Variants in GUCY1A2 observed in about 807,000 individuals in gnomAD.
The protein encoded by GUCY1A2 is guanylate cyclase soluble subunit alpha-2.
A neutral mutation model predicts 63.5 loss-of-function variants in GUCY1A2; 27 were observed. The ratio of observed to expected loss-of-function variants is 0.43; its 90% CI spans 0.31 to 0.59. The LOEUF is 0.59. Among genes scored for constraint, GUCY1A2 ranks in the 20% least tolerant of loss-of-function variants. The pLI is 0.11. For missense variants in GUCY1A2, 768 were observed against 913.3 expected (o/e 0.84, Z 2.05); for synonymous variants, 364 against 343.5 (o/e 1.06, Z -0.66).
chr11:106,829,075 G>T (rs964170442), intron 4 of GUCY1A2, among the ~76,000 whole-genome samples: 1 of 152,160 alleles, frequency 6.6e-6, no homozygotes, highest in African/African-American at 2.4e-5. Context: ...CTTAATATTT[G>T]CCAAGAGTCT....
chr11:106,801,215 T>C (rs1858598018), intron 5 of GUCY1A2, among the ~76,000 whole-genome samples: 1 of 152,122 alleles, frequency 6.6e-6, no homozygotes, highest in Non-Finnish European at 1.5e-5. Flanking sequence ...AGAATTCAAA[T>C]TGCAATTTAC....
chr11:106,873,222 A>G (rs948493688), intron 4 of GUCY1A2, among the ~76,000 whole-genome samples: 2 of 152,194 alleles, frequency 1.3e-5, no homozygotes, highest in African/African-American at 2.4e-5. Context: ...TAGTGCTGCA[A>G]TAAACATACA....
At chr11:106,747,718 C>T (rs1476191867) in intron 6 of GUCY1A2, among the ~76,000 whole-genome samples, 2 of 152,140 alleles carry the variant, frequency 1.3e-5, no homozygotes, top group African/African-American at 2.4e-5. Flanking sequence ...AACCTGTGAG[C>T]ACACACTCCT....
At position 106,932,608 on chromosome 11, in the gene GUCY1A2, T is replaced by C. The variant is rs189870767; in HGVS notation, c.1206+6852A>G. Among the ~76,000 whole-genome samples the C allele has an allele frequency of 1.1e-4, 17 of 152,196 alleles. No homozygotes were observed. In the East Asian group the frequency reaches 3.3e-3, roughly 29 times the overall value. On this transcript the variant is annotated intron_variant, in intron 4 of 7. Transcript: ENST00000526355. ...ATACCATCATTATTTTTCACAGAAC[T>C]GGAAAAAACTATTCTAAAGTTCATA...
intron 7 of GUCY1A2, among the ~76,000 whole-genome samples, chr11:106,699,369 T>C (rs753175857): frequency 6.6e-6 from 1 of 152,252 alleles, no homozygotes; most frequent in African/African-American, 2.4e-5. Flanking sequence ...GTATTTTAGA[T>C]AATGTGGAAA....
Position 106,893,509 on chromosome 11 carries a change from C to A in GUCY1A2, c.1206+45951G>T, listed in dbSNP as rs1045807206. ...TACTGAAATATAAAATTATAGGGTA[C>A]AACATAACTATATAATTTTAAAATA... On this transcript the variant is annotated intron_variant, in intron 4 of 7. Transcript: ENST00000526355. Among the ~76,000 whole-genome samples the A allele has an allele frequency of 2.6e-5, 4 of 151,886 alleles. No homozygotes were observed. In the South Asian group the frequency reaches 8.3e-4, roughly 32 times the overall value.
At chr11:106,724,629 A>C (rs751882504) in intron 6 of GUCY1A2, among the ~76,000 whole-genome samples, 4 of 152,250 alleles carry the variant, frequency 2.6e-5, no homozygotes, top group African/African-American at 4.8e-5. Context: ...TCTTGGATTT[A>C]AGCCTATTTG....
At chr11:106,892,657 T>C (rs1015595527) in intron 4 of GUCY1A2, among the ~76,000 whole-genome samples, 7 of 152,130 alleles carry the variant, frequency 4.6e-5, no homozygotes, top group Admixed American at 4.6e-4. Context: ...AATAGTTGTG[T>C]ATCGTTTTTC....
At chr11:106,951,068 A>G (rs1860901609) in intron 3 of GUCY1A2, among the ~76,000 whole-genome samples, 1 of 152,138 alleles carries the variant, frequency 6.6e-6, no homozygotes, top group Non-Finnish European at 1.5e-5. Flanking sequence ...AAAGGACATG[A>G]TCTCACTCAT....
intron 6 of GUCY1A2, among the ~76,000 whole-genome samples, chr11:106,711,283 A>G (rs764196597): frequency 1.3e-5 from 2 of 152,160 alleles, no homozygotes; most frequent in Non-Finnish European, 2.9e-5. Context: ...TTTTTATTAG[A>G]ATGCTCTGGA....
intron 4 of GUCY1A2, among the ~76,000 whole-genome samples, chr11:106,922,754 A>T (rs1442864918): frequency 6.7e-6 from 1 of 148,198 alleles, no homozygotes; most frequent in African/African-American, 2.5e-5. Context: ...TGGTTAATTT[A>T]AATATATATG....
intron 4 of GUCY1A2, among the ~76,000 whole-genome samples, chr11:106,931,419 G>A (rs1269879405): frequency 1.3e-5 from 2 of 152,164 alleles, no homozygotes; most frequent in Non-Finnish European, 2.9e-5. Context: ...AATGGCATAA[G>A]CTCTTTGAAA....
intron 4 of GUCY1A2, among the ~76,000 whole-genome samples, chr11:106,817,297 A>T (rs1858844990): frequency 6.6e-6 from 1 of 152,124 alleles, no homozygotes; most frequent in Non-Finnish European, 1.5e-5. Context: ...CATTATGCAA[A>T]GTTTATCCTT....
At chr11:106,824,085 A>G in intron 4 of GUCY1A2, 1 of 1,495,674 alleles carries the variant, frequency 6.7e-7, no homozygotes, top group Admixed American at 1.8e-5. Context: ...TTATGCTACC[A>G]TTTCTTATTT....
chr11:106,979,473 A>AAAG (rs61536886), intron 2 of GUCY1A2, among the ~76,000 whole-genome samples: 4,090 of 149,838 alleles, frequency 0.027, 99 homozygotes, highest in African/African-American at 0.057. Context: ...AAAAAAAAAA[A>AAAG]AAGAAGAAGA....
rs758623808 is a variant in GUCY1A2, at chr11:107,018,097, G to T, written c.-42C>A. Reference sequence around the variant, plus strand: ...CAGCGGCCGAGGCGGTGGCGGCGAGGACGCGAGCGGCGGCGGAGGCGGCGG... The same window carrying T: ...CAGCGGCCGAGGCGGTGGCGGCGAGTACGCGAGCGGCGGCGGAGGCGGCGG... On this transcript the variant is annotated 5_prime_UTR_variant, in exon 1 of 8. Transcript: ENST00000526355. The T allele has an allele frequency of 1.2e-5, 16 of 1,333,156 alleles. No homozygotes were observed. The highest frequency in any genetic ancestry group is 2.7e-5 in the Admixed American group (1 of 36,916). 82.6% of individuals were successfully genotyped at this position (1,333,156 alleles called of 1,614,324 possible).
chr11:106,772,655 T>C (rs781183272), intron 6 of GUCY1A2, among the ~76,000 whole-genome samples: 6 of 152,110 alleles, frequency 3.9e-5, no homozygotes, highest in Non-Finnish European at 8.8e-5. Flanking sequence ...CAAATGAAAA[T>C]ATTGATGAAC....
intron 3 of GUCY1A2, among the ~76,000 whole-genome samples, chr11:106,944,753 C>T (rs369323957): frequency 9.2e-5 from 14 of 152,248 alleles, no homozygotes; most frequent in Middle Eastern, 6.8e-3. Context: ...TGTGAGTACT[C>T]TGAAACGAAT....
chr11:106,686,828 T>C lies in GUCY1A2; in HGVS notation c.*721A>G, dbSNP rs563515458. Reference sequence around the variant, plus strand: ...AAGATATATTTACTAAGCAGACATATAATGCTTTCTTGGTATCTGAAATCC... The same window carrying C: ...AAGATATATTTACTAAGCAGACATACAATGCTTTCTTGGTATCTGAAATCC... On this transcript the variant is annotated 3_prime_UTR_variant, in exon 8 of 8. Transcript: ENST00000526355. 5.1e-6 allele frequency: 1 copy of C among 196,886 alleles called. No individual in the cohort carries two copies. The highest frequency in any genetic ancestry group is 2.3e-5 in the African/African-American group (1 of 43,500). The allele number at this position is 196,886 out of a possible 1,614,324, so 12.2% of individuals were successfully genotyped here.
Sources: gnomAD v4.1 joint callset for allele counts (sites outside exome capture counted in the v4.1 genomes callset) on GRCh38, gnomAD v4.1.1 for gene constraint, MANE v1.5 for transcripts, NCBI Gene and HGNC (gene_info 2026-07-23, HGNC 2026-07-21) for gene names.